Variants in CCSAP observed in about 807,000 individuals in gnomAD.
CCSAP encodes centriole, cilia and spindle associated protein, also known as centriole, cilia and spindle-associated protein.
Under a neutral mutation model 25.9 loss-of-function variants are expected in CCSAP, and 17 were observed. The ratio of observed to expected loss-of-function variants is 0.66; its 90% CI spans 0.45 to 0.99. The LOEUF is 0.99. Among genes scored for constraint, CCSAP ranks in the 50% least tolerant of loss-of-function variants. CCSAP has a pLI of 0.00. For synonymous variants in CCSAP, 169 were observed against 157.1 expected (o/e 1.08, Z -0.57); for missense variants, 339 against 367.8 (o/e 0.92, Z 0.64).
At chr1:229,333,329 A>C (rs1658123282) in intron 2 of CCSAP, among the ~76,000 whole-genome samples, 1 of 148,802 alleles carries the variant, frequency 6.7e-6, no homozygotes, top group Non-Finnish European at 1.5e-5. Context: ...GCTACTCCGG[A>C]GGCAGAGGCA....
At chr1:229,334,755 T>C (rs1658157962) in intron 2 of CCSAP, among the ~76,000 whole-genome samples, 1 of 152,152 alleles carries the variant, frequency 6.6e-6, no homozygotes, top group South Asian at 2.1e-4. Context: ...GGGTTCAGGT[T>C]AAATATGCAC....
At chr1:229,339,572 C>T (rs1175316996) in intron 2 of CCSAP, among the ~76,000 whole-genome samples, 1 of 152,038 alleles carries the variant, frequency 6.6e-6, no homozygotes, top group Non-Finnish European at 1.5e-5. Context: ...GACAGAGACT[C>T]AAACCCAAGA....
Position 229,322,390 on chromosome 1 carries a change from T to C in CCSAP, c.*2845A>G, listed in dbSNP as rs1199600345. The C allele has an allele frequency of 1.3e-5, 2 of 152,210 alleles. No individual in the cohort carries two copies. Among genetic ancestry groups the C allele is most frequent in the African/African-American group, 4.8e-5 (2 of 41,460 alleles). 9.4% of individuals were successfully genotyped at this position (152,210 alleles called of 1,614,324 possible). A position where few individuals can be genotyped will look rare whatever the true frequency, so the allele number is the denominator to read the frequency against. ...GAAACACAATGACAAAGATATTACA[T>C]ATGAAATGGTATAAATATGTGCCTC... is the stretch of plus-strand genomic sequence containing the variant. On this transcript the variant is annotated 3_prime_UTR_variant, in exon 4 of 4. Coordinates refer to ENST00000284617, the MANE Select transcript of CCSAP (RefSeq NM_145257.5).
rs1658363031 is a variant in CCSAP at position 229,342,498 on chromosome 1, C to T, written c.-33G>A. The T allele has an allele frequency of 1.5e-6, 2 of 1,309,800 alleles. No individual in the cohort carries two copies. Among genetic ancestry groups the T allele is most frequent in the Admixed American group, 3.1e-5 (1 of 31,928 alleles). 81.1% of individuals were successfully genotyped at this position (1,309,800 alleles called of 1,614,324 possible). Reference sequence around the variant, plus strand: ...TCCGCCGCCTCGAGCGCCAGCCGCTCCTCGCTGCCCGCAGCCTACGGGACC... The same window carrying T: ...TCCGCCGCCTCGAGCGCCAGCCGCTTCTCGCTGCCCGCAGCCTACGGGACC... On this transcript the variant is annotated 5_prime_UTR_variant, in exon 2 of 4. Coordinates refer to ENST00000284617, the MANE Select transcript of CCSAP (RefSeq NM_145257.5). The surrounding 1 kb of genome is among the most constrained non-coding windows in gnomAD (Gnocchi z 7.5).
rs371096930 is a variant in CCSAP at position 229,328,387 on chromosome 1, A to G, written c.368-1381T>C. On this transcript the variant is annotated intron_variant, in intron 2 of 3. Coordinates refer to ENST00000284617, the MANE Select transcript of CCSAP (RefSeq NM_145257.5). The stretch of plus-strand genomic sequence containing the variant: ...GCGATCATGGCTTATTGCAGCCTCA[A>G]CCTCCTGGGCTCAAGTGATCCTCCC... Among the ~76,000 whole-genome samples, 16 of 152,202 alleles carry G rather than the reference A, an allele frequency of 1.1e-4. No homozygotes were observed. In the East Asian group the frequency reaches 1.9e-3, roughly 18 times the overall value.
intron 2 of CCSAP, among the ~76,000 whole-genome samples, chr1:229,338,162 G>A (rs1000013783): frequency 1.1e-4 from 16 of 152,144 alleles, no homozygotes; most frequent in African/African-American, 3.6e-4. Flanking sequence ...GGGTAGAATA[G>A]GGAAGGCAGA....
intron 2 of CCSAP, among the ~76,000 whole-genome samples, chr1:229,330,202 A>G (rs991514663): frequency 2.6e-5 from 4 of 152,186 alleles, no homozygotes; most frequent in Non-Finnish European, 5.9e-5. Context: ...TGGCTCCTGC[A>G]GGTGTTCTGA....
At chr1:229,331,131 A>T (rs1264155141) in intron 2 of CCSAP, among the ~76,000 whole-genome samples, 1 of 152,130 alleles carries the variant, frequency 6.6e-6, no homozygotes, top group Non-Finnish European at 1.5e-5. Flanking sequence ...CCAACACAAA[A>T]ACTAAAATCT....
chr1:229,339,988 T>C (rs185586152), intron 2 of CCSAP, among the ~76,000 whole-genome samples: 31 of 152,296 alleles, frequency 2.0e-4, no homozygotes, highest in African/African-American at 3.6e-4. Flanking sequence ...AAAAGCCATG[T>C]TACTTGGAGA....
At chr1:229,334,057 G>A (rs1324964184) in intron 2 of CCSAP, among the ~76,000 whole-genome samples, 4 of 151,984 alleles carry the variant, frequency 2.6e-5, no homozygotes, top group African/African-American at 9.7e-5. Context: ...CATAACGTTT[G>A]CATTAGGTTT....
At chr1:229,333,453 A>T (rs918961545) in intron 2 of CCSAP, among the ~76,000 whole-genome samples, 9 of 150,730 alleles carry the variant, frequency 6.0e-5, no homozygotes, top group African/African-American at 1.2e-4. Flanking sequence ...AAAAAAAAAA[A>T]TTTCTAAATA....
rs958568701 is a variant in CCSAP at position 229,322,027 on chromosome 1, C to T, written c.*3208G>A. The T allele has an allele frequency of 1.3e-5, 2 of 152,142 alleles. No individual in the cohort carries two copies. Among genetic ancestry groups the T allele is most frequent in the African/African-American group, 4.8e-5 (2 of 41,420 alleles). The allele number at this position is 152,142 out of a possible 1,614,324, so 9.4% of individuals were successfully genotyped here. ...CAGGAGGATGTGTCTAGGATATATG[C>T]AAATACTACACCATTTTATAGAAGG... On this transcript the variant is annotated 3_prime_UTR_variant, in exon 4 of 4. Transcript: ENST00000284617.
rs1182398362 is a variant in CCSAP, at chr1:229,321,258, A to T, written c.*3977T>A. ...TTGTTATTAGAAGAGAAATCCAAAA[A>T]GAGGCCTCTACTGCCTTCATTCAAG... On this transcript the variant is annotated 3_prime_UTR_variant, in exon 4 of 4. Transcript: ENST00000284617. 1.3e-5 allele frequency: 2 copies of T among 152,246 alleles called. No individual in the cohort carries two copies. The highest frequency in any genetic ancestry group is 4.8e-5 in the African/African-American group (2 of 41,464). The allele number at this position is 152,246 out of a possible 1,614,324, so 9.4% of individuals were successfully genotyped here.
At chr1:229,330,935 A>G (rs1395300923) in intron 2 of CCSAP, among the ~76,000 whole-genome samples, 1 of 151,952 alleles carries the variant, frequency 6.6e-6, no homozygotes, top group East Asian at 1.9e-4. Context: ...CTCGGTGGTC[A>G]CTGGTGCCAG....
At chr1:229,332,368 G>T (rs1199182809) in intron 2 of CCSAP, among the ~76,000 whole-genome samples, 3 of 151,818 alleles carry the variant, frequency 2.0e-5, no homozygotes, top group Non-Finnish European at 4.4e-5. Context: ...CAGGCAGACA[G>T]TGTCGGAACT....
intron 2 of CCSAP, among the ~76,000 whole-genome samples, chr1:229,336,257 A>G (rs764516219): frequency 6.6e-6 from 1 of 151,534 alleles, no homozygotes; most frequent in South Asian, 2.1e-4. Context: ...CCCCTAGCTC[A>G]TATGCCAGGT....
intron 2 of CCSAP, among the ~76,000 whole-genome samples, chr1:229,333,603 G>A (rs163771): frequency 0.39 from 59,681 of 151,868 alleles, 12,038 homozygotes; most frequent in African/African-American, 0.48. Context: ...AAGAAGGCCA[G>A]GCGCAGTGGC....
At position 229,342,131 on chromosome 1, in the gene CCSAP, T is replaced by C; in HGVS notation, c.335A>G (p.Glu112Gly). ...AGCCGCGTCCTCCGCGTCCTCGGCCTCCGCGTCCCCGGCCTCCGCGTCCTG... is the reference window on the plus strand; with the variant it reads ...AGCCGCGTCCTCCGCGTCCTCGGCCCCCGCGTCCCCGGCCTCCGCGTCCTG... ...EEQDAEAGDA[E>G]AEDAEDAALP... The change falls in exon 2 of 4, where the codon GAG becomes GGG. Residue 112 changes from glutamate (E) to glycine (G), a missense_variant. By Grantham distance (98) the Glu-to-Gly change is moderately conservative. Coordinates refer to ENST00000284617, the MANE Select transcript of CCSAP (RefSeq NM_145257.5). The surrounding 1 kb of genome is among the most constrained non-coding windows in gnomAD (Gnocchi z 7.5). 1 of 1,341,282 alleles carries C rather than the reference T, an allele frequency of 7.5e-7. No homozygotes were observed. Among genetic ancestry groups the C allele is most frequent in the South Asian group, 2.1e-5 (1 of 48,396 alleles). 83.1% of individuals were successfully genotyped at this position (1,341,282 alleles called of 1,614,324 possible).
Position 229,326,874 on chromosome 1 carries a change from A to G in CCSAP, c.500T>C (p.Val167Ala), listed in dbSNP as rs1657952511. ...ALFARGNRKA[V>A]KSPQRSSSKI... is the part of the protein sequence containing the mutation. The stretch of plus-strand genomic sequence containing the variant: ...ACTCGATGATCTTTGGGGACTTTTG[A>G]CCGCTTTCCTGTTTCCTCTAGCAAA... The change falls in exon 3 of 4, where the codon GTC becomes GCC. Residue 167 changes from valine (V) to alanine (A), a missense_variant. Coordinates refer to ENST00000284617, the MANE Select transcript of CCSAP (RefSeq NM_145257.5). The G allele has an allele frequency of 2.5e-6, 4 of 1,614,138 alleles. No homozygotes were observed. Among genetic ancestry groups the G allele is most frequent in the Non-Finnish European group, 3.4e-6 (4 of 1,180,030 alleles).
Sources: gnomAD v4.1 joint callset for allele counts (sites outside exome capture counted in the v4.1 genomes callset) on GRCh38, gnomAD v4.1.1 for gene constraint, Gnocchi (gnomAD v3.1) non-coding constraint, MANE v1.5 for transcripts, NCBI Gene and HGNC (gene_info 2026-07-23, HGNC 2026-07-21) for gene names.